INSL6: variants seen among roughly 807,000 people sequenced by gnomAD.
The protein encoded by INSL6 is insulin like 6.
INSL6 carries 16 observed loss-of-function variants against 9.4 expected under a neutral mutation model. The observed-to-expected ratio is 1.70, with a 90% CI of 1.15 to 2.59. The LOEUF (loss-of-function observed/expected upper bound fraction) is 2.59, where lower values mean the gene tolerates loss of function less well. Ranked by LOEUF, INSL6 falls within the 30% of genes most tolerant of loss-of-function variation. INSL6 has a pLI of 0.00. For missense variants in INSL6, 391 were observed against 257.3 expected (o/e 1.52, Z -3.56); for synonymous variants, 154 against 96.9 (o/e 1.59, Z -3.46).
the INSL6 span, chr9:5,072,461 C>G: frequency 3.8e-5 from 57 of 1,483,914 alleles, 1 homozygote; most frequent in Non-Finnish European, 8.1e-6. Context: ...CATCTTTACT[C>G]ATTCTTTTCT....
chr9:5,044,019 G>A, the INSL6 span, among the ~76,000 whole-genome samples: 2 of 152,306 alleles, frequency 1.3e-5, no homozygotes. Flanking sequence ...TGAAGGACAA[G>A]TTTTTAACTT....
the INSL6 span, among the ~76,000 whole-genome samples, chr9:5,104,955 C>A: frequency 2.6e-5 from 4 of 152,182 alleles, no homozygotes; most frequent in Non-Finnish European, 5.9e-5. Context: ...CAATATCATA[C>A]TGAATGGGCA....
At chr9:5,147,221 G>A (rs1365480656) in intron 2 of INSL6, among the ~76,000 whole-genome samples, 2 of 152,122 alleles carry the variant, frequency 1.3e-5, no homozygotes, top group Non-Finnish European at 2.9e-5. Context: ...AGCCCAGGAT[G>A]GAGGGTCTGT....
chr9:5,069,169 A>G, the INSL6 span: 3 of 1,610,144 alleles, frequency 1.9e-6, no homozygotes, highest in Non-Finnish European at 2.5e-6. Flanking sequence ...AGACAATATA[A>G]TTTTCCAGTT....
the INSL6 span, among the ~76,000 whole-genome samples, chr9:5,074,729 A>C: frequency 6.6e-6 from 1 of 152,174 alleles, no homozygotes; most frequent in Non-Finnish European, 1.5e-5. Context: ...AGGAAGATTC[A>C]CCCGTCTCTC....
chr9:5,006,164 T>C, the INSL6 span, among the ~76,000 whole-genome samples: 1 of 152,168 alleles, frequency 6.6e-6, no homozygotes, highest in Non-Finnish European at 1.5e-5. Flanking sequence ...TCCTCTTTTA[T>C]TTCATTGAGC....
At chr9:5,072,367 T>A in the INSL6 span, 4 of 617,082 alleles carry the variant, frequency 6.5e-6, no homozygotes, top group Non-Finnish European at 1.1e-5. Context: ...AAATCTGGAT[T>A]TAGATTCTAA....
At chr9:5,154,343 A>C (rs1247315517) in intron 2 of INSL6, among the ~76,000 whole-genome samples, 1 of 152,226 alleles carries the variant, frequency 6.6e-6, no homozygotes, top group Admixed American at 6.5e-5. Flanking sequence ...TAAAGACTTA[A>C]ATGTTAGACC....
At chr9:5,040,206 A>G in the INSL6 span, among the ~76,000 whole-genome samples, 1 of 152,310 alleles carries the variant, frequency 6.6e-6, no homozygotes, top group African/African-American at 2.4e-5. Flanking sequence ...ATGGGCATAG[A>G]ATAGTCTTTT....
chr9:5,045,868 T>C, the INSL6 span, among the ~76,000 whole-genome samples: 236 of 152,322 alleles, frequency 1.5e-3, no homozygotes, highest in African/African-American at 5.5e-3. Context: ...AAATATTTCC[T>C]TGAGTCCCTG....
At chr9:5,076,945 T>A in the INSL6 span, among the ~76,000 whole-genome samples, 14 of 151,922 alleles carry the variant, frequency 9.2e-5, no homozygotes, top group Non-Finnish European at 1.3e-4. Context: ...TATATTTTTT[T>A]AAAAAAGTTT....
chr9:5,141,862 T>C (rs114611004), intron 2 of INSL6, among the ~76,000 whole-genome samples: 2,980 of 152,324 alleles, frequency 0.02, 118 homozygotes, highest in African/African-American at 0.069. Context: ...GATTTATATT[T>C]AAGTATTTAA....
chr9:5,175,970 C>A (rs1825295377), intron 1 of INSL6, among the ~76,000 whole-genome samples: 1 of 152,002 alleles, frequency 6.6e-6, no homozygotes, highest in African/African-American at 2.4e-5. Flanking sequence ...AAAATCATTC[C>A]CCTCCCTGGT....
chr9:5,114,869 G>T, the INSL6 span: 1 of 225,080 alleles, frequency 4.4e-6, no homozygotes, highest in Non-Finnish European at 8.9e-6. Context: ...GGGCTGGCCA[G>T]ACCTTCTGTC....
the INSL6 span, chr9:5,094,148 T>C: frequency 1.2e-4 from 19 of 152,146 alleles, no homozygotes; most frequent in African/African-American, 4.3e-4. Flanking sequence ...CTAATTGCTA[T>C]AGCATTCCTT....
chr9:5,141,553 T>A (rs916581706), intron 2 of INSL6, among the ~76,000 whole-genome samples: 4 of 152,060 alleles, frequency 2.6e-5, no homozygotes, highest in Non-Finnish European at 5.9e-5. Context: ...GTTTTTTCCC[T>A]TGTAAATTTA....
In INSL6 at chr9:5,179,880, T is replaced by C. The variant is rs370035901; in HGVS notation, c.289+5434A>G. 3.5e-4 allele frequency among the ~76,000 whole-genome samples: 53 copies of C among 152,226 alleles called. 4 individuals are homozygous for C. In the South Asian group the frequency reaches 0.011, roughly 30 times the overall value. On this transcript the variant is annotated intron_variant, in intron 1 of 1. Coordinates refer to ENST00000381641, the MANE Select transcript of INSL6 (RefSeq NM_007179.3). ...GGGGAAGGGAAAGTATCAGGAGGAA[T>C]AGCTAATGGATGCTGGGATTAATAC... is the stretch of plus-strand genomic sequence containing the variant.
the INSL6 span, among the ~76,000 whole-genome samples, chr9:5,039,635 G>C: frequency 2.6e-5 from 4 of 152,018 alleles, no homozygotes; most frequent in Admixed American, 2.0e-4. Flanking sequence ...ATGAGCTCAG[G>C]TCAGTTGCAG....
intron 3 of INSL6, chr9:5,126,231 G>C: frequency 1.4e-6 from 1 of 701,168 alleles, no homozygotes; most frequent in Non-Finnish European, 2.4e-6. Context: ...ACATACAAAA[G>C]CACACATATA....
Sources: gnomAD v4.1 joint callset for allele counts (sites outside exome capture counted in the v4.1 genomes callset) on GRCh38, gnomAD v4.1.1 for gene constraint, MANE v1.5 for transcripts, NCBI Gene and HGNC (gene_info 2026-07-23, HGNC 2026-07-21) for gene names.